Variants in NCOR1 observed in about 807,000 individuals in gnomAD.
NCOR1 encodes protein phosphatase 1, regulatory subunit 109.
NCOR1 carries 63 observed loss-of-function variants against 288.1 expected under a neutral mutation model. That is an observed-to-expected ratio of 0.22 (90% confidence interval 0.18 to 0.27). NCOR1 has a LOEUF of 0.27. Ranked by LOEUF, NCOR1 falls within the 10% of genes least tolerant of loss-of-function variation. NCOR1 has a pLI of 1.00. For synonymous variants in NCOR1, 1,007 were observed against 1,065.9 expected (o/e 0.94, Z 1.08); for missense variants, 2,397 against 3,019.2 (o/e 0.79, Z 4.83).
chr17:16,127,353 GTA>G (rs1568198050), intron 14 of NCOR1, among the ~76,000 whole-genome samples: 1 of 140,076 alleles, frequency 7.1e-6, no homozygotes, highest in Non-Finnish European at 1.5e-5. Flanking sequence ...ATGTATATAT[GTA>G]TGTATATATA....
At chr17:16,176,493 T>C (rs2084220605) in intron 3 of NCOR1, among the ~76,000 whole-genome samples, 1 of 152,150 alleles carries the variant, frequency 6.6e-6, no homozygotes, top group Non-Finnish European at 1.5e-5. Flanking sequence ...GGTCTCGAAC[T>C]CCTGACCTCA....
chr17:16,044,760 T>A lies in NCOR1; in HGVS notation c.6679+2191A>T, dbSNP rs909351058. ...GTTGAACCTTTTTGGTCCAGCTTGT[T>A]TGCAATGGCCCTGGCCAATGTCAAC... On this transcript the variant is annotated intron_variant, in intron 42 of 45. Transcript: ENST00000268712. 8 of 865,414 alleles carry A rather than the reference T, an allele frequency of 9.2e-6. No homozygotes were observed. The Admixed American group carries it at 1.4e-4, about 15-fold the overall frequency. The allele number at this position is 865,414 out of a possible 1,614,324, so 53.6% of individuals were successfully genotyped here.
rs2152623814 is a variant in NCOR1 at position 16,062,149 on chromosome 17, G to A, written c.5343C>T (p.Thr1781=). 6.2e-7 allele frequency: 1 copy of A among 1,613,798 alleles called. No individual in the cohort carries two copies. Among genetic ancestry groups the A allele is most frequent in the Non-Finnish European group, 8.5e-7 (1 of 1,179,958 alleles). Reference sequence around the variant, plus strand: ...TTGGATCCAAAGGTGTGATTACACTGGTTCCATTGGTTCCTTGGAAAACAC... The same window carrying A: ...TTGGATCCAAAGGTGTGATTACACTAGTTCCATTGGTTCCTTGGAAAACAC... ...RPSVFQGTNG[T]SVITPLDPTA... The change falls in exon 36 of 46, where the codon ACC becomes ACT. Residue 1781 remains threonine (T), a synonymous_variant. Transcript: ENST00000268712.
At chr17:16,192,193 C>G (rs1217960332) in intron 2 of NCOR1, 2 of 150,322 alleles carry the variant, frequency 1.3e-5, no homozygotes, top group Non-Finnish European at 3.0e-5. Flanking sequence ...TGCTGAAAAT[C>G]AATGATAAAG....
chr17:16,169,193 A>G (rs2082635952), intron 4 of NCOR1, among the ~76,000 whole-genome samples: 1 of 152,194 alleles, frequency 6.6e-6, no homozygotes, highest in Admixed American at 6.5e-5. Context: ...AAGGGGGCAC[A>G]TTAAAATATT....
intron 1 of NCOR1, among the ~76,000 whole-genome samples, chr17:16,213,429 T>C (rs1454905050): frequency 7.4e-6 from 1 of 135,028 alleles, no homozygotes; most frequent in Non-Finnish European, 1.5e-5. Context: ...GAGGCGGAGG[T>C]TGCAATGAGC....
At chr17:16,106,539 TCAAA>T (rs2068668719) in intron 19 of NCOR1, among the ~76,000 whole-genome samples, 1 of 152,088 alleles carries the variant, frequency 6.6e-6, no homozygotes, top group Non-Finnish European at 1.5e-5. Flanking sequence ...TGAAAGATAC[TCAAA>T]CACTCAGATG....
chr17:16,190,466 C>G (rs1472749250), intron 2 of NCOR1, among the ~76,000 whole-genome samples: 3 of 151,796 alleles, frequency 2.0e-5, no homozygotes, highest in African/African-American at 4.8e-5. Flanking sequence ...TCCCAAGCAG[C>G]TGGAACTACA....
chr17:16,139,604 GAAC>G (rs1156863240), intron 11 of NCOR1, among the ~76,000 whole-genome samples: 6 of 151,966 alleles, frequency 3.9e-5, no homozygotes, highest in Non-Finnish European at 1.5e-5. Context: ...TCATATTACA[GAAC>G]AATAAATAGA....
At chr17:16,066,121 C>T (rs1385597808) in intron 32 of NCOR1, among the ~76,000 whole-genome samples, 1 of 152,138 alleles carries the variant, frequency 6.6e-6, no homozygotes, top group African/African-American at 2.4e-5. Context: ...TGATTATAGA[C>T]TATAAGCATT....
At chr17:16,094,711 C>G (rs528628152) in intron 21 of NCOR1, among the ~76,000 whole-genome samples, 1 of 152,280 alleles carries the variant, frequency 6.6e-6, no homozygotes, top group South Asian at 2.1e-4. Context: ...ATTGCAGGCG[C>G]GCGCCGCCAC....
At chr17:16,160,646 G>A (rs908932641) in intron 5 of NCOR1, among the ~76,000 whole-genome samples, 3 of 152,146 alleles carry the variant, frequency 2.0e-5, no homozygotes, top group Non-Finnish European at 2.9e-5. Context: ...CAAAAAATTA[G>A]CTCGGTGTAG....
chr17:16,064,674 C>A (rs1356360100), intron 34 of NCOR1, among the ~76,000 whole-genome samples, 196 bp downstream of exon 34: 1 of 151,742 alleles, frequency 6.6e-6, no homozygotes, highest in Admixed American at 6.6e-5. Context: ...TGGATAAGAA[C>A]TGAAGCATAA....
intron 1 of NCOR1, among the ~76,000 whole-genome samples, chr17:16,199,214 A>ACACAC (rs1555813515): frequency 5.2e-3 from 579 of 111,778 alleles, no homozygotes; most frequent in South Asian, 0.017. Flanking sequence ...GAAAAAAAAA[A>ACACAC]AAACACACAC....
chr17:16,167,488 C>G (rs2082234443), intron 4 of NCOR1, among the ~76,000 whole-genome samples: 1 of 151,878 alleles, frequency 6.6e-6, no homozygotes, highest in African/African-American at 2.4e-5. Flanking sequence ...TTCACATTAT[C>G]TTGGGTTCAG....
At chr17:16,090,466 C>T (rs916841888) in intron 22 of NCOR1, among the ~76,000 whole-genome samples, 9 of 152,124 alleles carry the variant, frequency 5.9e-5, no homozygotes, top group Non-Finnish European at 1.0e-4. Flanking sequence ...TAGTGAAACA[C>T]GATAAGGATA....
intron 5 of NCOR1, among the ~76,000 whole-genome samples, chr17:16,164,637 A>T (rs2081624841): frequency 6.6e-6 from 1 of 152,152 alleles, no homozygotes; most frequent in Non-Finnish European, 1.5e-5. Context: ...TAAATAGTTC[A>T]CTGTACATAA....
chr17:16,051,196 TTC>T (rs1198381860), intron 40 of NCOR1, among the ~76,000 whole-genome samples: 2 of 152,200 alleles, frequency 1.3e-5, no homozygotes, highest in African/African-American at 4.8e-5. Flanking sequence ...CTTTTATATT[TTC>T]TTTTTTAAAA....
At chr17:16,034,333 C>T (rs957310403) in intron 45 of NCOR1, among the ~76,000 whole-genome samples, 3 of 152,120 alleles carry the variant, frequency 2.0e-5, no homozygotes, top group African/African-American at 7.2e-5. Flanking sequence ...TGGTTGACTC[C>T]TGTAATACTA....
Sources: allele counts gnomAD v4.1 joint callset (sites outside exome capture counted in the v4.1 genomes callset), GRCh38; gene constraint gnomAD v4.1.1; transcripts MANE v1.5; gene names NCBI Gene and HGNC (gene_info 2026-07-23, HGNC 2026-07-21).